Variants in GRM1 observed in about 807,000 individuals in gnomAD.
GRM1 encodes metabotropic glutamate receptor 1.
GRM1 carries 33 observed loss-of-function variants against 90.9 expected under a neutral mutation model. The ratio of observed to expected loss-of-function variants is 0.36; its 90% CI spans 0.28 to 0.49. The LOEUF (loss-of-function observed/expected upper bound fraction) is 0.49, where lower values mean the gene tolerates loss of function less well. GRM1 is among the 20% of genes least tolerant of loss of function. The pLI is 0.99. For synonymous variants in GRM1, 700 were observed against 613.2 expected (o/e 1.14, Z -2.09); for missense variants, 1,190 against 1,534.3 (o/e 0.78, Z 3.75).
intron 2 of GRM1, among the ~76,000 whole-genome samples, chr6:146,247,042 C>T (rs1368686357): frequency 2.0e-5 from 3 of 152,172 alleles, no homozygotes; most frequent in African/African-American, 7.2e-5. Flanking sequence ...ACATCAGTAT[C>T]AATAGGATGT....
At chr6:146,424,458 C>A (rs114212836) in intron 7 of GRM1, among the ~76,000 whole-genome samples, 1 of 152,210 alleles carries the variant, frequency 6.6e-6, no homozygotes, top group Non-Finnish European at 1.5e-5. Context: ...TCCAGAAAGG[C>A]AGGGAGGCTG....
chr6:146,386,338 AAGTC>A (rs1306909649), intron 5 of GRM1, among the ~76,000 whole-genome samples: 3 of 152,194 alleles, frequency 2.0e-5, no homozygotes, highest in Non-Finnish European at 4.4e-5. Context: ...TCACTAGAGA[AAGTC>A]AGGCAGGGCA....
intron 2 of GRM1, among the ~76,000 whole-genome samples, chr6:146,244,339 T>C (rs1175176990): frequency 6.6e-6 from 1 of 152,200 alleles, no homozygotes; most frequent in Non-Finnish European, 1.5e-5. Context: ...AAAGTATTAA[T>C]TTGGGGAACT....
chr6:146,042,030 C>A (rs565229936), intron 1 of GRM1, among the ~76,000 whole-genome samples: 108 of 152,058 alleles, frequency 7.1e-4, no homozygotes, highest in Non-Finnish European at 1.1e-3. Context: ...GTGGAAGGAA[C>A]AAAAGGGCAA....
chr6:146,120,643 G>A lies in GRM1; in HGVS notation c.701-38705G>A, dbSNP rs539043349. Among the ~76,000 whole-genome samples, 214 of 152,168 alleles carry A rather than the reference G, an allele frequency of 1.4e-3. 1 individual carries two copies. The highest frequency in any genetic ancestry group is 4.6e-3 in the African/African-American group (192 of 41,528). The stretch of plus-strand genomic sequence containing the variant: ...ACCTAATTTATTGAGAGTTTTTAGC[G>A]TGAAGAGTTGTTGAATTTTGTCAAA... On this transcript the variant is annotated intron_variant, in intron 1 of 7. Transcript: ENST00000282753.
intron 7 of GRM1, among the ~76,000 whole-genome samples, chr6:146,415,144 C>T (rs1315508888): frequency 6.6e-6 from 1 of 152,132 alleles, no homozygotes; most frequent in Non-Finnish European, 1.5e-5. Flanking sequence ...AATAGGGTAG[C>T]AGCATGGGCA....
chr6:146,434,997 C>A lies in GRM1; in HGVS notation c.*201C>A, dbSNP rs1459792363. The A allele has an allele frequency of 3.2e-6, 2 of 629,088 alleles. No individual in the cohort carries two copies. Among genetic ancestry groups the A allele is most frequent in the South Asian group, 1.8e-5 (1 of 54,242 alleles). 39.0% of individuals were successfully genotyped at this position (629,088 alleles called of 1,614,324 possible). A position where few individuals can be genotyped will look rare whatever the true frequency, so the allele number is the denominator to read the frequency against. On this transcript the variant is annotated 3_prime_UTR_variant, in exon 8 of 8. Coordinates refer to ENST00000282753, the MANE Select transcript of GRM1 (RefSeq NM_001278064.2). ...GACACCAAGCAAAAAATGTTCCAGG[C>A]CAGGATTCGGATTCTTGAATTACTC...
At chr6:146,173,189 G>A (rs967827919) in intron 2 of GRM1, among the ~76,000 whole-genome samples, 2 of 151,858 alleles carry the variant, frequency 1.3e-5, no homozygotes, top group Non-Finnish European at 2.9e-5. Flanking sequence ...AGGAGTTCAG[G>A]ACCAGCCAGA....
intron 3 of GRM1, among the ~76,000 whole-genome samples, chr6:146,323,604 C>A (rs1182067306): frequency 1.3e-5 from 2 of 152,264 alleles, no homozygotes; most frequent in South Asian, 4.2e-4. Context: ...AATTAGATCC[C>A]ATTTGTCAAT....
chr6:146,196,908 C>T (rs571037876), intron 2 of GRM1, among the ~76,000 whole-genome samples: 26 of 152,238 alleles, frequency 1.7e-4, no homozygotes, highest in Non-Finnish European at 3.7e-4. Context: ...GTACTTTATT[C>T]TGTGAAAGAT....
chr6:146,434,717 C>T lies in GRM1; in HGVS notation c.3506C>T (p.Ser1169Leu), dbSNP rs751274056. ...GTGCCCAGCTCCCCCGTGTCCGAGT[C>T]GGTGCTCTGCACCCCTCCCAACGTA... is the stretch of plus-strand genomic sequence containing the variant. Reference protein sequence around the residue: ...SSVPSSPVSESVLCTPPNVSY... With the variant: ...SSVPSSPVSELVLCTPPNVSY... Residue 1169 changes from serine to leucine, a missense_variant, in exon 8 of 8, where the codon TCG becomes TTG. Physicochemically the swap from Ser to Leu is moderately radical, Grantham distance 145. This residue lies in a region of GRM1 where 48 missense variants were observed against 48.5 expected (regional missense o/e 0.99). Coordinates refer to ENST00000282753, the MANE Select transcript of GRM1 (RefSeq NM_001278064.2). 5 of 1,601,982 alleles carry T rather than the reference C, an allele frequency of 3.1e-6. No homozygotes were observed. The South Asian group carries it at 3.3e-5, about 11-fold the overall frequency.
intron 6 of GRM1, among the ~76,000 whole-genome samples, chr6:146,387,698 G>A (rs1776559452): frequency 6.6e-6 from 1 of 152,000 alleles, no homozygotes; most frequent in Non-Finnish European, 1.5e-5. Context: ...GGGGTTGGTA[G>A]GTAGGGACAA....
chr6:146,137,953 T>G (rs1776687678), intron 1 of GRM1, among the ~76,000 whole-genome samples: 1 of 152,228 alleles, frequency 6.6e-6, no homozygotes, highest in Non-Finnish European at 1.5e-5. Flanking sequence ...CTTTTTCAGA[T>G]TATTTACTGT....
chr6:146,078,628 T>C (rs1776265483), intron 1 of GRM1, among the ~76,000 whole-genome samples: 1 of 152,224 alleles, frequency 6.6e-6, no homozygotes, highest in African/African-American at 2.4e-5. Context: ...TATATTTGGA[T>C]ACATATACTT....
chr6:146,230,310 C>T (rs9485059), intron 2 of GRM1, among the ~76,000 whole-genome samples: 16,899 of 152,146 alleles, frequency 0.11, 1,846 homozygotes, highest in African/African-American at 0.28. Context: ...TCTGAAAACT[C>T]ACTAATAAGA....
At chr6:146,431,527 G>A (rs1024974514) in intron 7 of GRM1, among the ~76,000 whole-genome samples, 5 of 152,094 alleles carry the variant, frequency 3.3e-5, no homozygotes, top group African/African-American at 1.2e-4. Context: ...TGTGTCATTG[G>A]AACAGCTAAG....
chr6:146,077,735 A>C (rs567834685), intron 1 of GRM1, among the ~76,000 whole-genome samples: 1 of 152,334 alleles, frequency 6.6e-6, no homozygotes, highest in African/African-American at 2.4e-5. Flanking sequence ...GATTATTTCT[A>C]ATTTATCTAG....
At chr6:146,210,290 G>T (rs950521103) in intron 2 of GRM1, among the ~76,000 whole-genome samples, 1 of 152,154 alleles carries the variant, frequency 6.6e-6, no homozygotes, top group African/African-American at 2.4e-5. Context: ...TATCCTCAGA[G>T]TTCTGTGAAA....
intron 2 of GRM1, among the ~76,000 whole-genome samples, chr6:146,233,754 A>C (rs1780528736): frequency 6.6e-6 from 1 of 152,140 alleles, no homozygotes; most frequent in Non-Finnish European, 1.5e-5. Flanking sequence ...TTCCATGTGC[A>C]TTTGAAATAA....
Sources: gnomAD v4.1 joint callset for allele counts (sites outside exome capture counted in the v4.1 genomes callset) on GRCh38, gnomAD v4.1.1 for gene constraint, gnomAD v4.1.1 regional missense constraint, MANE v1.5 for transcripts, NCBI Gene and HGNC (gene_info 2026-07-23, HGNC 2026-07-21) for gene names.